IGF2BP3: variants seen among roughly 807,000 people sequenced by gnomAD.
IGF2BP3 encodes the protein insulin-like growth factor 2 mRNA-binding protein 3.
In IGF2BP3, 9 loss-of-function variants were observed where a neutral mutation model predicts 73.8. The ratio of observed to expected loss-of-function variants is 0.12; its 90% confidence interval spans 0.07 to 0.21. The LOEUF (loss-of-function observed/expected upper bound fraction) is 0.21, where lower values mean the gene tolerates loss of function less well. IGF2BP3 is among the 10% of genes least tolerant of loss of function. IGF2BP3 has a pLI of 1.00. For synonymous variants in IGF2BP3, 258 were observed against 256.7 expected (o/e 1.01, Z -0.05); for missense variants, 542 against 714.0 (o/e 0.76, Z 2.75).
chr7:23,330,948 C>T (rs980925105), intron 10 of IGF2BP3, among the ~76,000 whole-genome samples: 3 of 151,968 alleles, frequency 2.0e-5, no homozygotes, highest in African/African-American at 7.2e-5. Flanking sequence ...CAGGTGCACA[C>T]CACCATGCCC....
chr7:23,427,335 T>C (rs1320053279), intron 2 of IGF2BP3, among the ~76,000 whole-genome samples: 1 of 152,148 alleles, frequency 6.6e-6, no homozygotes, highest in Non-Finnish European at 1.5e-5. Context: ...CTCAATAAAG[T>C]ATCTATCATT....
intron 2 of IGF2BP3, among the ~76,000 whole-genome samples, chr7:23,440,141 C>CTT: frequency 6.6e-6 from 1 of 151,980 alleles, no homozygotes; most frequent in South Asian, 2.1e-4. Context: ...CACGCGCCTG[C>CTT]AGTCCCAGCT....
chr7:23,343,058 G>A (rs926297579), intron 9 of IGF2BP3, among the ~76,000 whole-genome samples: 3 of 152,092 alleles, frequency 2.0e-5, no homozygotes, highest in Non-Finnish European at 2.9e-5. Flanking sequence ...TTTAAGACAG[G>A]CTTTTGAAGT....
chr7:23,389,295 G>A (rs1361894031), intron 3 of IGF2BP3, among the ~76,000 whole-genome samples: 1 of 151,722 alleles, frequency 6.6e-6, no homozygotes, highest in Admixed American at 6.6e-5. Flanking sequence ...TGAGTAGGTG[G>A]GATTACAGGC....
At chr7:23,441,043 C>T (rs6946754) in intron 2 of IGF2BP3, among the ~76,000 whole-genome samples, 2,375 of 152,046 alleles carry the variant, frequency 0.016, 59 homozygotes, top group African/African-American at 0.054. Context: ...TTGCAGAATC[C>T]TACAAGCAGA....
chr7:23,449,168 G>C (rs562535691), intron 2 of IGF2BP3, among the ~76,000 whole-genome samples: 3 of 151,250 alleles, frequency 2.0e-5, no homozygotes, highest in African/African-American at 7.3e-5. Flanking sequence ...ATATGCCATG[G>C]AATTGCATAA....
chr7:23,320,799 T>C (rs1784116609), intron 10 of IGF2BP3, among the ~76,000 whole-genome samples: 1 of 150,986 alleles, frequency 6.6e-6, no homozygotes, highest in Non-Finnish European at 1.5e-5. Flanking sequence ...ATTACAAAAA[T>C]TAGCCAGGCA....
At chr7:23,333,355 T>C (rs1301157981) in intron 10 of IGF2BP3, among the ~76,000 whole-genome samples, 11 of 152,184 alleles carry the variant, frequency 7.2e-5, no homozygotes, top group South Asian at 2.1e-4. Context: ...AGAACACTAA[T>C]GTAGCAGCAT....
intron 2 of IGF2BP3, among the ~76,000 whole-genome samples, chr7:23,423,707 C>G (rs1023828670): frequency 5.3e-5 from 8 of 151,630 alleles, no homozygotes; most frequent in Non-Finnish European, 1.2e-4. Flanking sequence ...ACTAACATTT[C>G]AAATGATTTC....
chr7:23,422,304 T>A (rs1194629696), intron 2 of IGF2BP3, among the ~76,000 whole-genome samples: 1 of 152,158 alleles, frequency 6.6e-6, no homozygotes, highest in Non-Finnish European at 1.5e-5. Context: ...TACTATCTTT[T>A]GTTTATTAAG....
intron 10 of IGF2BP3, among the ~76,000 whole-genome samples, chr7:23,328,601 T>C (rs1293074536): frequency 6.6e-6 from 1 of 152,138 alleles, no homozygotes; most frequent in Non-Finnish European, 1.5e-5. Flanking sequence ...TCCAATAAAA[T>C]TGAAATGGGA....
chr7:23,329,088 C>G (rs1784378256), intron 10 of IGF2BP3, among the ~76,000 whole-genome samples: 1 of 151,998 alleles, frequency 6.6e-6, no homozygotes, highest in African/African-American at 2.4e-5. Flanking sequence ...TGGCGGGCAC[C>G]TGTAGTCCCA....
At chr7:23,387,464 G>A (rs1786121440) in intron 3 of IGF2BP3, among the ~76,000 whole-genome samples, 1 of 152,104 alleles carries the variant, frequency 6.6e-6, no homozygotes, top group Non-Finnish European at 1.5e-5. Flanking sequence ...GTAACAATAT[G>A]GAATTTGGTT....
chr7:23,392,875 C>A (rs1181521212), intron 3 of IGF2BP3, among the ~76,000 whole-genome samples: 1 of 152,122 alleles, frequency 6.6e-6, no homozygotes, highest in Non-Finnish European at 1.5e-5. Context: ...AAGAAATCCT[C>A]CCACCTTGGC....
At chr7:23,430,331 C>T (rs1283636480) in intron 2 of IGF2BP3, among the ~76,000 whole-genome samples, 1 of 152,234 alleles carries the variant, frequency 6.6e-6, no homozygotes, top group Non-Finnish European at 1.5e-5. Context: ...GATCCGCCCG[C>T]CTCGGCGGGA....
chr7:23,427,609 C>T (rs899081646), intron 2 of IGF2BP3, among the ~76,000 whole-genome samples: 5 of 152,166 alleles, frequency 3.3e-5, no homozygotes, highest in African/African-American at 7.2e-5. Context: ...TGATGGCTCA[C>T]GCCTGTAATC....
At chr7:23,363,370 T>G (rs967437866) in intron 3 of IGF2BP3, among the ~76,000 whole-genome samples, 6 of 151,582 alleles carry the variant, frequency 4.0e-5, no homozygotes, top group Non-Finnish European at 8.8e-5. Context: ...CCCAGCTTTC[T>G]GAGTAGCTGG....
At chr7:23,384,581 A>G (rs570489555) in intron 3 of IGF2BP3, among the ~76,000 whole-genome samples, 11 of 152,114 alleles carry the variant, frequency 7.2e-5, no homozygotes, top group Admixed American at 5.2e-4. Flanking sequence ...ATGGCCATAA[A>G]TGGATCTTTA....
intron 2 of IGF2BP3, among the ~76,000 whole-genome samples, chr7:23,449,174 C>T (rs2128547716): frequency 6.6e-6 from 1 of 151,514 alleles, no homozygotes; most frequent in Admixed American, 6.6e-5. Context: ...CATGGAATTG[C>T]ATAAAATCCT....
Sources: allele counts gnomAD v4.1 joint callset (sites outside exome capture counted in the v4.1 genomes callset), GRCh38; gene constraint gnomAD v4.1.1; transcripts MANE v1.5; gene names NCBI Gene and HGNC (gene_info 2026-07-23, HGNC 2026-07-21).